Variants in CNTNAP4 observed in about 807,000 individuals in gnomAD.
CNTNAP4 encodes contactin associated protein family member 4.
A neutral mutation model predicts 148.4 loss-of-function variants in CNTNAP4; 98 were observed. The observed-to-expected ratio is 0.66, with a 90% CI of 0.56 to 0.78. CNTNAP4 has a LOEUF of 0.78. Ranked by LOEUF, CNTNAP4 falls within the 30% of genes least tolerant of loss-of-function variation. The pLI is 0.00. For synonymous variants in CNTNAP4, 730 were observed against 565.1 expected, an observed-to-expected ratio of 1.29 and a Z score of -4.14; for missense variants, 1,935 against 1,565.6, an observed-to-expected ratio of 1.24 and a Z score of -3.98.
At chr16:76,525,720 AAT>A (rs887720421) in intron 17 of CNTNAP4, among the ~76,000 whole-genome samples, 15 of 124,506 alleles carry the variant, frequency 1.2e-4, no homozygotes, top group African/African-American at 3.6e-4. Flanking sequence ...TATTATATAC[AAT>A]ATATATAAAC....
intron 4 of CNTNAP4, among the ~76,000 whole-genome samples, chr16:76,445,389 T>C (rs1378479391): frequency 6.6e-6 from 1 of 152,172 alleles, no homozygotes; most frequent in Non-Finnish European, 1.5e-5. Flanking sequence ...CATATTTATG[T>C]TGAATTTTTT....
At chr16:76,292,769 C>T (rs1959165112) in intron 1 of CNTNAP4, among the ~76,000 whole-genome samples, 1 of 152,072 alleles carries the variant, frequency 6.6e-6, no homozygotes, top group African/African-American at 2.4e-5. Context: ...TAGTGTTTCT[C>T]AATACTTCTA....
rs1022211835 is a variant in CNTNAP4 at position 76,417,822 on chromosome 16, G to C, written c.391-9630G>C. Among the ~76,000 whole-genome samples, 4 of 151,764 alleles carry C rather than the reference G, an allele frequency of 2.6e-5. 1 individual carries two copies. The highest frequency in any genetic ancestry group is 2.6e-4 in the Admixed American group (4 of 15,208). ...ATTCCCTCAGTTTTTGTTTGCCTGAGAGTCTTTATTTCTCCTTCACTTTGG... is the reference window on the plus strand; with the variant it reads ...ATTCCCTCAGTTTTTGTTTGCCTGACAGTCTTTATTTCTCCTTCACTTTGG... On this transcript the variant is annotated intron_variant, in intron 3 of 23. Transcript: ENST00000611870.
At chr16:76,433,482 C>T (rs1020731203) in intron 4 of CNTNAP4, among the ~76,000 whole-genome samples, 1 of 151,878 alleles carries the variant, frequency 6.6e-6, no homozygotes, top group Non-Finnish European at 1.5e-5. Context: ...TAAAAAAATT[C>T]CAATTTTTTT....
intron 15 of CNTNAP4, among the ~76,000 whole-genome samples, chr16:76,513,076 G>T (rs2083091625): frequency 1.3e-5 from 2 of 152,290 alleles, no homozygotes; most frequent in African/African-American, 2.4e-5. Context: ...CGAGAGTGGG[G>T]TTTCTGAGAT....
At chr16:76,351,905 C>G (rs1306328828) in intron 2 of CNTNAP4, among the ~76,000 whole-genome samples, 1 of 152,156 alleles carries the variant, frequency 6.6e-6, no homozygotes, top group African/African-American at 2.4e-5. Flanking sequence ...AAAATACTGG[C>G]CTGTAGAGGC....
chr16:76,426,415 A>G lies in CNTNAP4; in HGVS notation c.391-1037A>G, dbSNP rs532194050. ...ATCATGAACCTGCAAATGTAGTTGC[A>G]TGTCCCCTTATTATGAAAGAAAGAG... is the stretch of plus-strand genomic sequence containing the variant. On this transcript the variant is annotated intron_variant, in intron 3 of 23. Transcript: ENST00000611870. Among the ~76,000 whole-genome samples the G allele has an allele frequency of 8.5e-5, 13 of 152,282 alleles. No homozygotes were observed. The South Asian group carries it at 2.3e-3, about 27-fold the overall frequency.
At chr16:76,372,096 T>A (rs1226742191) in intron 3 of CNTNAP4, among the ~76,000 whole-genome samples, 2 of 152,070 alleles carry the variant, frequency 1.3e-5, no homozygotes, top group Non-Finnish European at 2.9e-5. Context: ...TCTATTTCAT[T>A]CTACTTATAT....
At chr16:76,347,689 G>T (rs1965023434) in intron 2 of CNTNAP4, among the ~76,000 whole-genome samples, 1 of 152,144 alleles carries the variant, frequency 6.6e-6, no homozygotes, top group Non-Finnish European at 1.5e-5. Context: ...TCTCAGAGAA[G>T]AGCATTCCTG....
intron 12 of CNTNAP4, among the ~76,000 whole-genome samples, chr16:76,484,506 A>G (rs976349964): frequency 1.3e-5 from 2 of 152,156 alleles, no homozygotes; most frequent in African/African-American, 2.4e-5. Flanking sequence ...GAGTATTGCA[A>G]CCCAGTGAGA....
chr16:76,429,886 A>C (rs2079549562), intron 4 of CNTNAP4, among the ~76,000 whole-genome samples: 2 of 152,238 alleles, frequency 1.3e-5, no homozygotes, highest in Non-Finnish European at 2.9e-5. Context: ...GCAGGATTTT[A>C]AACTCAAACT....
At chr16:76,497,908 A>C (rs138816547) in intron 14 of CNTNAP4, among the ~76,000 whole-genome samples, 1 of 152,306 alleles carries the variant, frequency 6.6e-6, no homozygotes, top group East Asian at 1.9e-4. Context: ...GAAACAAAAG[A>C]AATAGCAAAA....
At chr16:76,365,879 C>G (rs1472920987) in intron 3 of CNTNAP4, among the ~76,000 whole-genome samples, 2 of 150,868 alleles carry the variant, frequency 1.3e-5, no homozygotes, top group Non-Finnish European at 2.9e-5. Flanking sequence ...ATATAAATAA[C>G]TACATGGACA....
intron 23 of CNTNAP4, among the ~76,000 whole-genome samples, chr16:76,556,659 A>G (rs1240135065): frequency 2.0e-5 from 3 of 152,374 alleles, no homozygotes; most frequent in African/African-American, 2.4e-5. Context: ...ATTTATAGCA[A>G]TTCAACTGTT....
At chr16:76,395,559 C>T (rs149017347) in intron 3 of CNTNAP4, among the ~76,000 whole-genome samples, 6,440 of 151,444 alleles carry the variant, frequency 0.043, 485 homozygotes, top group African/African-American at 0.15. Flanking sequence ...CCACCGCGCC[C>T]GGCCAAAGAT....
rs541210711 is a variant in CNTNAP4, at chr16:76,484,297, A to G, written c.1882+4759A>G. 1.1e-4 allele frequency among the ~76,000 whole-genome samples: 17 copies of G among 150,332 alleles called. No homozygotes were observed. In the South Asian group the frequency reaches 3.1e-3, roughly 28 times the overall value. ...AATGAAAAAAAAAAAAAAAAAAAAG[A>G]CTGGAGTCACTGGAAGTATGCAGAG... On this transcript the variant is annotated intron_variant, in intron 12 of 23. Coordinates refer to ENST00000611870, the MANE Select transcript of CNTNAP4 (RefSeq NM_033401.5).
At chr16:76,332,642 CCTT>C (rs1963640696) in intron 2 of CNTNAP4, among the ~76,000 whole-genome samples, 1 of 152,132 alleles carries the variant, frequency 6.6e-6, no homozygotes, top group Non-Finnish European at 1.5e-5. Flanking sequence ...TCTCTCCTAT[CCTT>C]CTGAGATTCC....
Position 76,467,427 on chromosome 16 carries a change from C to T in CNTNAP4, c.1559C>T (p.Ser520Phe). The change falls in exon 10 of 24, where the codon TCT (serine) becomes TTT (phenylalanine). Residue 520 changes from serine to phenylalanine, a missense_variant. Physicochemically the swap from Ser to Phe is radical, Grantham distance 155. Transcript: ENST00000611870. The stretch of plus-strand genomic sequence containing the variant: ...TTTCAGGGATGTATGAGGCTCATTT[C>T]TATCAGCGGCAAAGTGGTAGATCTG... Reference protein sequence around the residue: ...GGFQGCMRLISISGKVVDLIS... With the variant: ...GGFQGCMRLIFISGKVVDLIS... 8 of 1,613,874 alleles carry T rather than the reference C, an allele frequency of 5.0e-6. No individual in the cohort carries two copies. The highest frequency in any genetic ancestry group is 3.4e-6 in the Non-Finnish European group (4 of 1,179,846).
intron 2 of CNTNAP4, among the ~76,000 whole-genome samples, chr16:76,334,618 A>G (rs1414581089): frequency 1.3e-5 from 2 of 152,190 alleles, no homozygotes; most frequent in Non-Finnish European, 2.9e-5. Context: ...GTAGAACTAC[A>G]TATGTACAAA....
Sources: gnomAD v4.1 joint callset for allele counts (sites outside exome capture counted in the v4.1 genomes callset) on GRCh38, gnomAD v4.1.1 for gene constraint, MANE v1.5 for transcripts, NCBI Gene and HGNC (gene_info 2026-07-23, HGNC 2026-07-21) for gene names.